Variants in RGS7 observed in about 807,000 individuals in gnomAD.
RGS7 encodes regulator of G protein signaling 7.
RGS7 carries 27 observed loss-of-function variants against 81.1 expected under a neutral mutation model. The observed-to-expected ratio is 0.33, with a 90% CI of 0.25 to 0.46. The LOEUF is 0.46. RGS7 is among the 20% of genes least tolerant of loss of function. The pLI is 1.00. For synonymous variants in RGS7, 208 were observed against 207.7 expected (o/e 1.00, Z -0.01); for missense variants, 396 against 607.4 (o/e 0.65, Z 3.66).
intron 2 of RGS7, among the ~76,000 whole-genome samples, chr1:241,286,244 GAC>G (rs934434519): frequency 3.9e-5 from 6 of 152,244 alleles, no homozygotes; most frequent in African/African-American, 1.4e-4. Flanking sequence ...AGCCTTTAGG[GAC>G]CATTTTGCTG....
At chr1:240,829,790 C>T (rs1158752095) in intron 9 of RGS7, among the ~76,000 whole-genome samples, 2 of 152,068 alleles carry the variant, frequency 1.3e-5, no homozygotes, top group Admixed American at 1.3e-4. Flanking sequence ...GGGTGAGATT[C>T]TGTCTCTCTC....
At chr1:240,846,392 C>T (rs937085489) in intron 9 of RGS7, among the ~76,000 whole-genome samples, 27 of 152,136 alleles carry the variant, frequency 1.8e-4, no homozygotes, top group African/African-American at 6.3e-4. Context: ...TCATGCGCCA[C>T]AGCTGTGAGG....
chr1:240,885,020 C>T (rs931569074), intron 6 of RGS7, among the ~76,000 whole-genome samples: 1 of 152,178 alleles, frequency 6.6e-6, no homozygotes. Context: ...CAAAGGTCTA[C>T]TATCCAGCAT....
intron 4 of RGS7, among the ~76,000 whole-genome samples, chr1:240,965,055 A>G (rs907776206): frequency 6.6e-6 from 1 of 152,228 alleles, no homozygotes; most frequent in African/African-American, 2.4e-5. Flanking sequence ...TAATGTTTCA[A>G]CTTCAAGTTG....
At chr1:240,811,485 A>T (rs16840738) in intron 14 of RGS7, among the ~76,000 whole-genome samples, 1 of 152,086 alleles carries the variant, frequency 6.6e-6, no homozygotes, top group Non-Finnish European at 1.5e-5. Flanking sequence ...TTTGGTTTCA[A>T]GTTATTTGAT....
intron 4 of RGS7, among the ~76,000 whole-genome samples, chr1:240,957,935 C>G (rs1445391476): frequency 6.6e-6 from 1 of 152,142 alleles, no homozygotes; most frequent in African/African-American, 2.4e-5. Context: ...GATGAAGAAG[C>G]CAGAGACGAT....
intron 4 of RGS7, among the ~76,000 whole-genome samples, chr1:240,978,496 A>G (rs1201581659): frequency 6.6e-6 from 1 of 152,174 alleles, no homozygotes; most frequent in African/African-American, 2.4e-5. Context: ...GATAATAGAT[A>G]TATTCTCTAT....
chr1:241,310,987 A>G (rs375551848), intron 2 of RGS7, among the ~76,000 whole-genome samples: 5 of 152,170 alleles, frequency 3.3e-5, no homozygotes, highest in East Asian at 1.9e-4. Context: ...ACTGGATCTG[A>G]CTATGGTTCT....
chr1:240,796,493 C>G lies in RGS7; in HGVS notation c.*6+4148G>C, dbSNP rs573017664. On this transcript the variant is annotated intron_variant, in intron 18 of 18. Coordinates refer to ENST00000440928, the MANE Select transcript of RGS7 (RefSeq NM_001364886.1). ...TTGAGGTCAGGAGTCCAAGACCAGC[C>G]TGCCCAACATGGTGAAACCCCATCT... 1.6e-3 allele frequency among the ~76,000 whole-genome samples: 239 copies of G among 152,224 alleles called. 1 individual carries two copies. The highest frequency in any genetic ancestry group is 5.6e-3 in the African/African-American group (232 of 41,542).
At chr1:240,900,462 A>G (rs1435336778) in intron 6 of RGS7, among the ~76,000 whole-genome samples, 5 of 152,096 alleles carry the variant, frequency 3.3e-5, no homozygotes, top group Admixed American at 6.5e-5. Context: ...TGACGTACAG[A>G]TGGGGTTTTG....
intron 9 of RGS7, among the ~76,000 whole-genome samples, chr1:240,843,318 T>A (rs1658462299): frequency 6.6e-6 from 1 of 152,120 alleles, no homozygotes; most frequent in Admixed American, 6.5e-5. Context: ...CAGGCTGCAA[T>A]GCAGTGGTGT....
chr1:241,250,060 T>A (rs1199290786), intron 2 of RGS7, among the ~76,000 whole-genome samples: 1 of 152,150 alleles, frequency 6.6e-6, no homozygotes, highest in Non-Finnish European at 1.5e-5. Flanking sequence ...ATTAGGAAAT[T>A]ATAAATACAA....
intron 3 of RGS7, among the ~76,000 whole-genome samples, chr1:241,019,590 A>G (rs1451806931): frequency 6.6e-6 from 1 of 151,996 alleles, no homozygotes; most frequent in East Asian, 1.9e-4. Flanking sequence ...CCCACTTATG[A>G]GTGAAAACAT....
At chr1:240,849,559 G>T (rs955335637) in intron 9 of RGS7, among the ~76,000 whole-genome samples, 1 of 152,176 alleles carries the variant, frequency 6.6e-6, no homozygotes, top group African/African-American at 2.4e-5. Flanking sequence ...TGGAGGTGGG[G>T]TCTGGTGGGA....
chr1:241,028,103 G>A (rs995158311), intron 3 of RGS7, among the ~76,000 whole-genome samples: 4 of 152,204 alleles, frequency 2.6e-5, no homozygotes, highest in African/African-American at 4.8e-5. Context: ...TGAAGATCGG[G>A]ACAGCAGAGG....
intron 2 of RGS7, among the ~76,000 whole-genome samples, chr1:241,154,342 A>G (rs747276243): frequency 1.4e-4 from 21 of 152,154 alleles, no homozygotes; most frequent in Middle Eastern, 3.2e-3. Flanking sequence ...GCAGCAAGAA[A>G]GGCAATAGTA....
intron 3 of RGS7, among the ~76,000 whole-genome samples, chr1:241,001,894 A>C (rs1032561258): frequency 6.6e-6 from 1 of 152,170 alleles, no homozygotes; most frequent in African/African-American, 2.4e-5. Flanking sequence ...ACCAATGATA[A>C]ACCCTAATGT....
chr1:240,834,184 C>T (rs1014465544), intron 9 of RGS7, among the ~76,000 whole-genome samples: 5 of 152,298 alleles, frequency 3.3e-5, no homozygotes, highest in Middle Eastern at 3.4e-3. Context: ...CTCCTCCTCC[C>T]GACCCATCTA....
intron 4 of RGS7, among the ~76,000 whole-genome samples, chr1:240,942,830 A>G (rs1677833793): frequency 6.6e-6 from 1 of 152,212 alleles, no homozygotes; most frequent in Non-Finnish European, 1.5e-5. Flanking sequence ...ATTTTTTAGA[A>G]CTGGCATTTG....
Sources: gnomAD v4.1 joint callset for allele counts (sites outside exome capture counted in the v4.1 genomes callset) on GRCh38, gnomAD v4.1.1 for gene constraint, MANE v1.5 for transcripts, NCBI Gene and HGNC (gene_info 2026-07-23, HGNC 2026-07-21) for gene names.